VEPH1: variants seen among roughly 807,000 people sequenced by gnomAD.
The protein encoded by VEPH1 is ventricular zone expressed PH domain containing 1, also known as ventricular zone-expressed PH domain-containing protein homolog 1.
VEPH1 carries 80 observed loss-of-function variants against 85.2 expected under a neutral mutation model. The observed-to-expected ratio is 0.94, with a 90% CI of 0.78 to 1.13. The LOEUF is 1.13. Ranked by LOEUF, VEPH1 falls within the 50% of genes most tolerant of loss-of-function variation. The pLI, the probability that VEPH1 is intolerant of heterozygous loss-of-function variation, is 0.00. For missense variants in VEPH1, 955 were observed against 980.5 expected, an observed-to-expected ratio of 0.97 and a Z score of 0.35; for synonymous variants, 297 against 348.0, an observed-to-expected ratio of 0.85 and a Z score of 1.63.
intron 11 of VEPH1, among the ~76,000 whole-genome samples, chr3:157,303,734 G>T (rs369173794): frequency 2.0e-5 from 3 of 151,918 alleles, no homozygotes; most frequent in Admixed American, 6.6e-5. Context: ...CCTTGGTCTG[G>T]CTTCTTAGGG....
intron 12 of VEPH1, among the ~76,000 whole-genome samples, chr3:157,280,037 C>T (rs1243961025): frequency 7.1e-6 from 1 of 140,002 alleles, no homozygotes; most frequent in African/African-American, 2.6e-5. Flanking sequence ...AAAAAAAGGA[C>T]CAGTATAGTA....
chr3:157,375,254 GAGA>G (rs1204104540), intron 7 of VEPH1, among the ~76,000 whole-genome samples: 2 of 152,226 alleles, frequency 1.3e-5, no homozygotes, highest in African/African-American at 4.8e-5. Context: ...CAGAGTTGCA[GAGA>G]AGAACTTGGC....
At chr3:157,305,960 T>C (rs1385313173) in intron 11 of VEPH1, among the ~76,000 whole-genome samples, 1 of 152,196 alleles carries the variant, frequency 6.6e-6, no homozygotes, top group Non-Finnish European at 1.5e-5. Flanking sequence ...GTTACAAATA[T>C]TTTCATTTAA....
intron 2 of VEPH1, among the ~76,000 whole-genome samples, chr3:157,488,574 C>T (rs1738894525): frequency 6.9e-6 from 1 of 145,180 alleles, no homozygotes; most frequent in African/African-American, 2.6e-5. Context: ...ATCTCCTTAA[C>T]TTCTGAGTAC....
intron 13 of VEPH1, among the ~76,000 whole-genome samples, chr3:157,263,324 A>G (rs982469873): frequency 6.6e-6 from 1 of 152,198 alleles, no homozygotes; most frequent in Admixed American, 6.6e-5. Context: ...CCTGATAAAC[A>G]TGTCAAACAA....
At chr3:157,389,361 G>C (rs1729616384) in intron 6 of VEPH1, among the ~76,000 whole-genome samples, 1 of 152,040 alleles carries the variant, frequency 6.6e-6, no homozygotes, top group Non-Finnish European at 1.5e-5. Flanking sequence ...ATGAAGATAA[G>C]AAAAATGTGG....
At chr3:157,330,829 C>T (rs894722701) in intron 9 of VEPH1, among the ~76,000 whole-genome samples, 4 of 152,106 alleles carry the variant, frequency 2.6e-5, no homozygotes, top group East Asian at 1.9e-4. Flanking sequence ...ACTGAGGTTC[C>T]GAGGCCACTA....
intron 7 of VEPH1, among the ~76,000 whole-genome samples, chr3:157,379,468 C>A (rs1728514613): frequency 6.6e-6 from 1 of 152,178 alleles, no homozygotes; most frequent in Non-Finnish European, 1.5e-5. Flanking sequence ...TTTCTGGCTG[C>A]TGGTCAGTAC....
chr3:157,376,199 C>T (rs563028705), intron 7 of VEPH1, among the ~76,000 whole-genome samples: 7 of 152,330 alleles, frequency 4.6e-5, no homozygotes, highest in African/African-American at 1.7e-4. Flanking sequence ...CTCAAAGTTT[C>T]CATCCCCAAC....
intron 12 of VEPH1, among the ~76,000 whole-genome samples, chr3:157,268,757 T>C (rs1714098776): frequency 6.6e-6 from 1 of 152,170 alleles, no homozygotes; most frequent in Non-Finnish European, 1.5e-5. Flanking sequence ...TTTTTTGTTT[T>C]GTTTTCCTAA....
chr3:157,377,988 G>A (rs1728318268), intron 7 of VEPH1, among the ~76,000 whole-genome samples: 1 of 152,058 alleles, frequency 6.6e-6, no homozygotes, highest in East Asian at 1.9e-4. Flanking sequence ...TGTGTCCATA[G>A]GGAAAATAGA....
Position 157,265,789 on chromosome 3 carries a change from A to T in VEPH1, c.2129-127T>A, listed in dbSNP as rs1274827091. The T allele has an allele frequency of 9.1e-6, 9 of 984,860 alleles. No individual in the cohort carries two copies. The East Asian group carries it at 2.3e-4, about 25-fold the overall frequency. The allele number at this position is 984,860 out of a possible 1,614,324, so 61.0% of individuals were successfully genotyped here. On this transcript the variant is annotated intron_variant, in intron 12 of 13. Transcript: ENST00000362010. ...CACCTGGAAAGTAGGCTAATAAATG[A>T]TGAATTTGGTTAACCTTTCCTCCTT...
chr3:157,474,449 A>G (rs1364570803), intron 2 of VEPH1, among the ~76,000 whole-genome samples: 1 of 152,086 alleles, frequency 6.6e-6, no homozygotes, highest in Non-Finnish European at 1.5e-5. Flanking sequence ...TCTTATTTTT[A>G]AAATTTATTT....
intron 11 of VEPH1, 119 bp downstream of exon 11, chr3:157,313,502 A>G (rs965935927): frequency 5.1e-6 from 6 of 1,183,408 alleles, no homozygotes; most frequent in Non-Finnish European, 5.8e-6. Context: ...GTTTTATGAT[A>G]ATAATAAAAG....
intron 9 of VEPH1, among the ~76,000 whole-genome samples, chr3:157,337,382 A>G (rs1264279510): frequency 6.6e-6 from 1 of 152,208 alleles, no homozygotes; most frequent in Non-Finnish European, 1.5e-5. Context: ...GGCAGCTATA[A>G]TTGAACATAG....
At chr3:157,287,878 A>T in intron 11 of VEPH1, among the ~76,000 whole-genome samples, 1 of 152,172 alleles carries the variant, frequency 6.6e-6, no homozygotes, top group East Asian at 1.9e-4. Flanking sequence ...ATTGGTTTTA[A>T]TGGAAAATAA....
chr3:157,390,149 G>C (rs896297599), intron 6 of VEPH1, among the ~76,000 whole-genome samples: 11 of 152,200 alleles, frequency 7.2e-5, no homozygotes, highest in Non-Finnish European at 1.0e-4. Flanking sequence ...AATATGAAAA[G>C]TGTGGGTAGC....
At chr3:157,444,252 C>G (rs907421776) in intron 4 of VEPH1, among the ~76,000 whole-genome samples, 1 of 152,148 alleles carries the variant, frequency 6.6e-6, no homozygotes, top group Non-Finnish European at 1.5e-5. Context: ...CAGGACATTT[C>G]CTCTTCATGA....
At chr3:157,368,583 G>C (rs11717965) in intron 7 of VEPH1, among the ~76,000 whole-genome samples, 104,592 of 151,682 alleles carry the variant, frequency 0.69, 36,340 homozygotes, top group East Asian at 0.78. Flanking sequence ...GCTCTGCTTC[G>C]CGGGTTCATG....
Sources: gnomAD v4.1 joint callset for allele counts (sites outside exome capture counted in the v4.1 genomes callset) on GRCh38, gnomAD v4.1.1 for gene constraint, MANE v1.5 for transcripts, NCBI Gene and HGNC (gene_info 2026-07-23, HGNC 2026-07-21) for gene names.